Variants in KDM6A observed in about 807,000 individuals in gnomAD.
KDM6A encodes the protein lysine-specific demethylase 6A.
Under a neutral mutation model 117.6 loss-of-function variants are expected in KDM6A, and 11 were observed. The ratio of observed to expected loss-of-function variants is 0.09; its 90% confidence interval spans 0.06 to 0.15. KDM6A has a LOEUF of 0.15. KDM6A is among the 10% of genes least tolerant of loss of function. KDM6A has a pLI of 1.00. For missense variants in KDM6A, 799 were observed against 1,077.3 expected (o/e 0.74, Z 3.62); for synonymous variants, 384 against 396.1 (o/e 0.97, Z 0.36).
intron 24 of KDM6A, among the ~76,000 whole-genome samples, chrX:45,084,756 G>A (rs1176397693): frequency 9.0e-6 from 1 of 111,481 alleles, no homozygotes; most frequent in East Asian, 2.8e-4. Context: ...CTCCCAAGTA[G>A]CTAGGACTAC....
intron 4 of KDM6A, among the ~76,000 whole-genome samples, chrX:44,995,102 G>T (rs181578183): frequency 4.4e-4 from 49 of 111,505 alleles, no homozygotes; most frequent in African/African-American, 1.4e-3. Context: ...TGGTTCTATT[G>T]TTAGTTTTTC....
At chrX:44,908,754 A>G (rs2034889522) in intron 2 of KDM6A, among the ~76,000 whole-genome samples, 1 of 111,977 alleles carries the variant, frequency 8.9e-6, no homozygotes, top group African/African-American at 3.2e-5. Context: ...CACACTGCAG[A>G]TAAGGATGTG....
intron 2 of KDM6A, among the ~76,000 whole-genome samples, chrX:44,910,753 C>A (rs1016942235): frequency 3.1e-4 from 34 of 110,306 alleles, no homozygotes; most frequent in Non-Finnish European, 5.7e-4. Context: ...CATCTTGCAC[C>A]GACCTTAATC....
intron 4 of KDM6A, among the ~76,000 whole-genome samples, chrX:45,002,095 C>T (rs2041171742): frequency 9.0e-6 from 1 of 110,785 alleles, no homozygotes; most frequent in African/African-American, 3.3e-5. Context: ...GCCCTTGGTG[C>T]CTTCTTACTG....
intron 2 of KDM6A, among the ~76,000 whole-genome samples, chrX:44,900,897 GGTTT>G (rs199744455): frequency 1.8e-5 from 2 of 111,309 alleles, no homozygotes; most frequent in East Asian, 2.8e-4. Context: ...AGAAAGAAAT[GGTTT>G]GTTTATTTTC....
intron 4 of KDM6A, among the ~76,000 whole-genome samples, chrX:45,006,590 G>A (rs1162088332): frequency 1.8e-5 from 2 of 110,340 alleles, no homozygotes; most frequent in South Asian, 3.9e-4. Context: ...AGAGAGTGAC[G>A]GGGTGAGTGG....
chrX:45,015,551 C>T (rs1034302086), intron 5 of KDM6A, among the ~76,000 whole-genome samples: 7 of 111,338 alleles, frequency 6.3e-5, no homozygotes, highest in Admixed American at 4.8e-4. Flanking sequence ...TAATGATGTT[C>T]TTACAGCTTT....
chrX:44,911,622 G>T (rs2035176848), intron 2 of KDM6A, among the ~76,000 whole-genome samples: 2 of 112,447 alleles, frequency 1.8e-5, no homozygotes, highest in South Asian at 7.3e-4. Flanking sequence ...TCCCAGATGG[G>T]GTGGCGGCTG....
At chrX:44,940,847 C>T (rs2037268114) in intron 2 of KDM6A, among the ~76,000 whole-genome samples, 1 of 111,171 alleles carries the variant, frequency 9.0e-6, no homozygotes, top group Admixed American at 9.6e-5. Flanking sequence ...ACCAGCCTGA[C>T]CAACATGGAG....
chrX:44,963,687 T>C (rs1192582352), intron 3 of KDM6A, among the ~76,000 whole-genome samples: 1 of 110,479 alleles, frequency 9.1e-6, no homozygotes, highest in Non-Finnish European at 1.9e-5. Flanking sequence ...AAGTCATCTA[T>C]GGGGAGGGAT....
At chrX:45,078,532 C>T (rs757993948) in intron 20 of KDM6A, 27 bp downstream of exon 20, 25 of 1,136,690 alleles carry the variant, frequency 2.2e-5, no homozygotes, top group Admixed American at 2.0e-4. Flanking sequence ...AAAAGGAAAA[C>T]GTTTGTCTCT....
chrX:44,903,019 T>C lies in KDM6A; in HGVS notation c.225+29032T>C, dbSNP rs144477519. On this transcript the variant is annotated intron_variant, in intron 2 of 29. Coordinates refer to ENST00000611820, the MANE Select transcript of KDM6A (RefSeq NM_001291415.2). Reference sequence around the variant, plus strand: ...GGCCTTACCTCTTAATGCTATCACATTGGCGATTAAGTTTCAATATATTAA... The same window carrying C: ...GGCCTTACCTCTTAATGCTATCACACTGGCGATTAAGTTTCAATATATTAA... 5.9e-3 allele frequency among the ~76,000 whole-genome samples: 659 copies of C among 111,996 alleles called. 5 individuals carry two copies. Among genetic ancestry groups the C allele is most frequent in the African/African-American group, 0.02 (619 of 30,866 alleles).
chrX:44,885,510 TG>T (rs1439166122), intron 2 of KDM6A, among the ~76,000 whole-genome samples: 1 of 110,632 alleles, frequency 9.0e-6, no homozygotes, highest in African/African-American at 3.3e-5. Flanking sequence ...CCTCTGTGCT[TG>T]CTTTGGCAGT....
At chrX:44,966,869 C>CTTTTT (rs1228583337) in intron 3 of KDM6A, among the ~76,000 whole-genome samples, 8 of 88,957 alleles carry the variant, frequency 9.0e-5, no homozygotes, top group African/African-American at 2.8e-4. Context: ...CTCTCTCTCT[C>CTTTTT]TTTTTTTTTT....
intron 2 of KDM6A, 22 bp from the exon 3 acceptor site, chrX:44,961,262 A>G (rs762300919): frequency 8.9e-7 from 1 of 1,120,137 alleles, no homozygotes; most frequent in Non-Finnish European, 1.2e-6. Flanking sequence ...TTGCTTACAT[A>G]TTTGTATTTT....
chrX:44,902,400 T>TG (rs1467090737), intron 2 of KDM6A, among the ~76,000 whole-genome samples: 5 of 109,351 alleles, frequency 4.6e-5, no homozygotes, highest in African/African-American at 1.3e-4. Flanking sequence ...TTCTACCTTT[T>TG]TTTTTTTGAG....
chrX:45,109,852 T>C (rs890408693), intron 28 of KDM6A, among the ~76,000 whole-genome samples: 5 of 111,557 alleles, frequency 4.5e-5, no homozygotes, highest in African/African-American at 1.6e-4. Context: ...GTCATTCCCT[T>C]TGATTATTCC....
At chrX:45,104,080 A>C (rs1295305798) in intron 27 of KDM6A, among the ~76,000 whole-genome samples, 1 of 104,984 alleles carries the variant, frequency 9.5e-6, no homozygotes, top group Non-Finnish European at 1.9e-5. Flanking sequence ...GCTGGAGTGC[A>C]ATGGTGCGAT....
intron 2 of KDM6A, among the ~76,000 whole-genome samples, chrX:44,922,027 CCTTTTTTTTTT>C (rs1484154645): frequency 0.031 from 1,174 of 37,688 alleles, 222 homozygotes; most frequent in African/African-American, 0.14. Flanking sequence ...ATTGTGTGTG[CCTTTTTTTTTT>C]TTTTTTTTTT....
Sources: gnomAD v4.1 joint callset for allele counts (sites outside exome capture counted in the v4.1 genomes callset) on GRCh38, gnomAD v4.1.1 for gene constraint, MANE v1.5 for transcripts, NCBI Gene and HGNC (gene_info 2026-07-23, HGNC 2026-07-21) for gene names.